SLC24A2: variants seen among roughly 807,000 people sequenced by gnomAD.
SLC24A2 encodes the protein sodium/potassium/calcium exchanger 2.
Under a neutral mutation model 62.0 loss-of-function variants are expected in SLC24A2, and 36 were observed. The observed-to-expected ratio is 0.58, with a 90% CI of 0.44 to 0.77. SLC24A2 has a LOEUF of 0.77. SLC24A2 is among the 30% of genes least tolerant of loss of function. The probability of loss-of-function intolerance (pLI) is 0.00; values close to 1 mark genes in which losing one functional copy is unlikely to be tolerated. For missense variants in SLC24A2, 846 were observed against 817.9 expected, an observed-to-expected ratio of 1.03 and a Z score of -0.42; for synonymous variants, 358 against 294.0, an observed-to-expected ratio of 1.22 and a Z score of -2.23.
At chr9:19,642,733 T>C (rs1225780622) in intron 2 of SLC24A2, among the ~76,000 whole-genome samples, 1 of 133,258 alleles carries the variant, frequency 7.5e-6, no homozygotes, top group Non-Finnish European at 1.6e-5. Flanking sequence ...CAGTCTGGAC[T>C]GCAGTGGCAC....
the SLC24A2 span, among the ~76,000 whole-genome samples, chr9:20,253,791 G>A: frequency 3.3e-5 from 5 of 152,176 alleles, no homozygotes; most frequent in African/African-American, 1.2e-4. Context: ...GAGTGACACA[G>A]TCAGTTCACG....
the SLC24A2 span, among the ~76,000 whole-genome samples, chr9:19,860,508 C>T: frequency 1.1e-3 from 164 of 152,244 alleles, no homozygotes; most frequent in African/African-American, 3.8e-3. Context: ...AGACTCAGCA[C>T]ATTCCCAGCT....
chr9:20,053,616 G>A, the SLC24A2 span, among the ~76,000 whole-genome samples: 1 of 152,108 alleles, frequency 6.6e-6, no homozygotes, highest in African/African-American at 2.4e-5. Flanking sequence ...TCATGAGGGT[G>A]GAACCCTGAT....
chr9:19,891,025 C>A, the SLC24A2 span, among the ~76,000 whole-genome samples: 14 of 152,234 alleles, frequency 9.2e-5, no homozygotes, highest in African/African-American at 9.6e-5. Context: ...ATATCCCCCA[C>A]TTGTTAAGTA....
the SLC24A2 span, among the ~76,000 whole-genome samples, chr9:20,251,763 T>C: frequency 1.3e-5 from 2 of 152,170 alleles, no homozygotes; most frequent in African/African-American, 4.8e-5. Context: ...GTTCCAGGGA[T>C]GGGTGATTCA....
At chr9:20,111,441 C>G in the SLC24A2 span, among the ~76,000 whole-genome samples, 2 of 152,280 alleles carry the variant, frequency 1.3e-5, no homozygotes, top group African/African-American at 4.8e-5. Context: ...TCTCTTATTG[C>G]TTTTCTAAAC....
At chr9:19,554,726 T>C (rs114372907) in intron 7 of SLC24A2, among the ~76,000 whole-genome samples, 235 of 152,298 alleles carry the variant, frequency 1.5e-3, no homozygotes, top group African/African-American at 5.1e-3. Context: ...TCCTCTTTCT[T>C]GCTGGCTGGA....
the SLC24A2 span, among the ~76,000 whole-genome samples, chr9:20,093,559 G>A: frequency 0.13 from 19,122 of 151,976 alleles, 1,692 homozygotes; most frequent in Admixed American, 0.31. Flanking sequence ...CATAAACTTT[G>A]TCTCTCAAAA....
At chr9:19,971,000 G>A in the SLC24A2 span, among the ~76,000 whole-genome samples, 1 of 152,066 alleles carries the variant, frequency 6.6e-6, no homozygotes, top group South Asian at 2.1e-4. Flanking sequence ...TCCTATTCTG[G>A]GCTCAGCCTT....
At chr9:19,762,369 A>C (rs1331599956) in intron 2 of SLC24A2, among the ~76,000 whole-genome samples, 1 of 152,124 alleles carries the variant, frequency 6.6e-6, no homozygotes, top group Non-Finnish European at 1.5e-5. Context: ...TGTTTTAGTC[A>C]TGAAGTCTTT....
At chr9:19,528,790 T>G (rs970167976) in intron 8 of SLC24A2, among the ~76,000 whole-genome samples, 3 of 152,172 alleles carry the variant, frequency 2.0e-5, no homozygotes, top group Non-Finnish European at 2.9e-5. Context: ...AGCGCCCAAT[T>G]GTACTGATTT....
intron 8 of SLC24A2, among the ~76,000 whole-genome samples, chr9:19,541,542 T>C (rs1165972274): frequency 1.3e-5 from 2 of 148,444 alleles, no homozygotes; most frequent in East Asian, 4.0e-4. Context: ...AGGGACCCAA[T>C]TGAGGAGGCA....
At chr9:19,526,670 G>C (rs569620025) in intron 9 of SLC24A2, among the ~76,000 whole-genome samples, 86 of 152,128 alleles carry the variant, frequency 5.7e-4, no homozygotes, top group Non-Finnish European at 5.6e-4. Context: ...TATCTGTTCA[G>C]ATCTTCAAAA....
At chr9:20,050,331 G>C in the SLC24A2 span, among the ~76,000 whole-genome samples, 2 of 151,480 alleles carry the variant, frequency 1.3e-5, no homozygotes, top group African/African-American at 4.9e-5. Flanking sequence ...CATGAGAATC[G>C]CTTGAACCTG....
chr9:19,588,101 G>A (rs1563983971), intron 5 of SLC24A2, among the ~76,000 whole-genome samples: 1 of 152,104 alleles, frequency 6.6e-6, no homozygotes. Flanking sequence ...CCAGCCCCAG[G>A]GAGATGCTTA....
At chr9:19,980,569 C>T in the SLC24A2 span, among the ~76,000 whole-genome samples, 2 of 152,096 alleles carry the variant, frequency 1.3e-5, no homozygotes, top group Non-Finnish European at 2.9e-5. Flanking sequence ...CTCAAATTCC[C>T]ACCAATTAGA....
At chr9:20,066,404 G>T in the SLC24A2 span, among the ~76,000 whole-genome samples, 1 of 152,120 alleles carries the variant, frequency 6.6e-6, no homozygotes, top group African/African-American at 2.4e-5. Flanking sequence ...AGGATGAAAA[G>T]GAAAGAATTA....
chr9:20,050,616 G>C, the SLC24A2 span, among the ~76,000 whole-genome samples: 1 of 152,158 alleles, frequency 6.6e-6, no homozygotes, highest in Non-Finnish European at 1.5e-5. Context: ...AACTCCATAA[G>C]TTTATTACAG....
rs1433257984 is a variant in SLC24A2 at position 19,636,278 on chromosome 9, C to T, written c.931-13979G>A. Among the ~76,000 whole-genome samples the T allele has an allele frequency of 8.9e-3, 102 of 11,506 alleles. 4 individuals carry two copies. The highest frequency in any genetic ancestry group is 0.033 in the Middle Eastern group (1 of 30). 7.5% of individuals were successfully genotyped at this position (11,506 alleles called of 152,430 possible). ...TCCTTTTCTTTTCTTCTCTTCTTCT[C>T]TTCTTCTCTTCTTTTCTTTTCTTTT... On this transcript the variant is annotated intron_variant, in intron 2 of 10. Transcript: ENST00000341998.
Sources: gnomAD v4.1 joint callset for allele counts (sites outside exome capture counted in the v4.1 genomes callset) on GRCh38, gnomAD v4.1.1 for gene constraint, MANE v1.5 for transcripts, NCBI Gene and HGNC (gene_info 2026-07-23, HGNC 2026-07-21) for gene names.